The following KHDC1 variants were observed in gnomAD, a reference collection of about 807,000 sequenced individuals.
KHDC1 encodes the protein KH homology domain-containing protein 1.
In KHDC1, 21 loss-of-function variants were observed where a neutral mutation model predicts 24.7. The observed-to-expected ratio is 0.85, with a 90% CI of 0.60 to 1.23. KHDC1 has a LOEUF of 1.23. KHDC1 is among the 50% of genes most tolerant of loss of function. The pLI is 0.00. For synonymous variants in KHDC1, 98 were observed against 111.7 expected, an observed-to-expected ratio of 0.88 and a Z score of 0.77; for missense variants, 274 against 298.5, an observed-to-expected ratio of 0.92 and a Z score of 0.61.
chr6:73,295,618 G>T (rs1767744277), intron 1 of KHDC1, among the ~76,000 whole-genome samples: 1 of 152,092 alleles, frequency 6.6e-6, no homozygotes, highest in South Asian at 2.1e-4. Flanking sequence ...GGCCAAGGCG[G>T]GCGGATTACC....
intron 2 of KHDC1, chr6:73,274,516 G>A (rs1582569916): frequency 6.6e-6 from 1 of 152,268 alleles, no homozygotes; most frequent in East Asian, 1.9e-4. Context: ...GGAAGTAATC[G>A]GATCATGGGG....
intron 2 of KHDC1, chr6:73,262,860 G>C (rs1439240921): frequency 1.0e-6 from 1 of 985,706 alleles, no homozygotes; most frequent in African/African-American, 1.7e-5. Flanking sequence ...CCTAATGGAG[G>C]GCAGAATTCA....
At position 73,241,740 on chromosome 6, in the gene KHDC1, G is replaced by A. The variant is rs1052877698; in HGVS notation, c.515-12C>T. 6 of 1,614,020 alleles carry A rather than the reference G, an allele frequency of 3.7e-6. No homozygotes were observed. The highest frequency in any genetic ancestry group is 1.7e-5 in the Admixed American group (1 of 60,018). On this transcript the variant is annotated splice_polypyrimidine_tract_variant and intron_variant, in intron 4 of 4. Transcript: ENST00000370384. ...CAGCATCTCCAGGCCTGCAAAATAA[G>A]TGCCCAGGGCTAATGAACCAGGGCC...
chr6:73,242,448 T>C (rs759735769), exon 3 of KHDC1: 16 of 1,614,058 alleles, frequency 9.9e-6, no homozygotes, highest in African/African-American at 2.7e-5. Context: ...TGAAACACCA[T>C]TGGTGCATGA....
intron 1 of KHDC1, among the ~76,000 whole-genome samples, chr6:73,303,303 T>C (rs1055760311): frequency 5.3e-5 from 8 of 151,756 alleles, no homozygotes; most frequent in Non-Finnish European, 1.0e-4. Context: ...CAACAGCTGT[T>C]CCATGAAGGT....
In KHDC1 at chr6:73,259,980, T is replaced by C. The variant is rs149011067; in HGVS notation, c.207-17450A>G. On this transcript the variant is annotated intron_variant, in intron 2 of 4. Transcript: ENST00000370384. ...TGTCCAGGGGGTAGGGCACAATCTTTGGAAGCATATCTAAGATGCCAATTT... is the reference window on the plus strand; with the variant it reads ...TGTCCAGGGGGTAGGGCACAATCTTCGGAAGCATATCTAAGATGCCAATTT... 3.8e-4 allele frequency among the ~76,000 whole-genome samples: 58 copies of C among 152,284 alleles called. No homozygotes were observed. In the East Asian group the frequency reaches 0.01, roughly 27 times the overall value.
intron 2 of KHDC1, among the ~76,000 whole-genome samples, chr6:73,253,936 C>CA (rs1426802746): frequency 6.6e-6 from 1 of 151,750 alleles, no homozygotes; most frequent in Non-Finnish European, 1.5e-5. Flanking sequence ...ATAACAACAA[C>CA]AAAAAACAGT....
chr6:73,301,963 A>G (rs1487756956), intron 1 of KHDC1, among the ~76,000 whole-genome samples: 1 of 152,088 alleles, frequency 6.6e-6, no homozygotes, highest in East Asian at 1.9e-4. Flanking sequence ...TAAGAACTCT[A>G]TATAGATTCA....
At chr6:73,292,934 T>C in intron 1 of KHDC1, 1 of 847,596 alleles carries the variant, frequency 1.2e-6, no homozygotes, top group Non-Finnish European at 2.0e-6. Flanking sequence ...TCTTAAGGAT[T>C]TCATTGACAA....
At chr6:73,289,702 C>T (rs1407166928) in intron 2 of KHDC1, among the ~76,000 whole-genome samples, 2 of 152,122 alleles carry the variant, frequency 1.3e-5, no homozygotes, top group Non-Finnish European at 2.9e-5. Context: ...TGACTCACAC[C>T]TGTAATTCCA....
chr6:73,304,040 G>A (rs139213126), intron 1 of KHDC1, among the ~76,000 whole-genome samples: 5 of 152,144 alleles, frequency 3.3e-5, no homozygotes, highest in East Asian at 3.9e-4. Context: ...TTAGCCAGGC[G>A]TGGTGGCAGG....
intron 2 of KHDC1, among the ~76,000 whole-genome samples, chr6:73,258,449 GA>G (rs1011980852): frequency 6.9e-6 from 1 of 144,708 alleles, no homozygotes; most frequent in Admixed American, 6.9e-5. Flanking sequence ...TCTCAAAAAA[GA>G]AAAAAAAAAG....
intron 2 of KHDC1, among the ~76,000 whole-genome samples, chr6:73,251,258 T>G (rs941642309): frequency 1.3e-5 from 2 of 152,194 alleles, no homozygotes; most frequent in Admixed American, 1.3e-4. Flanking sequence ...ATTTATACAT[T>G]AAAAATCAAA....
At chr6:73,277,928 T>G (rs1767327458) in intron 2 of KHDC1, among the ~76,000 whole-genome samples, 2 of 151,918 alleles carry the variant, frequency 1.3e-5, no homozygotes, top group South Asian at 4.2e-4. Context: ...TTTTACTGTT[T>G]GTGAAGTTAA....
At chr6:73,306,804 C>T (rs1353284108) in intron 1 of KHDC1, among the ~76,000 whole-genome samples, 1 of 151,538 alleles carries the variant, frequency 6.6e-6, no homozygotes, top group Non-Finnish European at 1.5e-5. Context: ...GTCAAGAGAT[C>T]GAGACCATCC....
intron 2 of KHDC1, among the ~76,000 whole-genome samples, chr6:73,280,599 C>T (rs1767386015): frequency 6.6e-6 from 1 of 150,378 alleles, no homozygotes; most frequent in East Asian, 2.0e-4. Flanking sequence ...CGGCTCACCG[C>T]AACCTCCACC....
intron 2 of KHDC1, among the ~76,000 whole-genome samples, chr6:73,252,708 T>C (rs1766803093): frequency 6.6e-6 from 1 of 151,916 alleles, no homozygotes; most frequent in African/African-American, 2.4e-5. Context: ...TCCCAGCTAC[T>C]CAGGAGGCTG....
chr6:73,257,728 A>G (rs1346726824), intron 2 of KHDC1, among the ~76,000 whole-genome samples: 1 of 151,828 alleles, frequency 6.6e-6, no homozygotes, highest in African/African-American at 2.4e-5. Context: ...TTCATCTTTA[A>G]ATAGTTAAGA....
exon 5 of KHDC1, chr6:73,241,511 G>C (rs528287481): frequency 4.3e-6 from 7 of 1,610,652 alleles, no homozygotes; most frequent in East Asian, 2.2e-5. Flanking sequence ...CCACTTCCCA[G>C]GGGAGATCAG....
Sources: gnomAD v4.1 joint callset for allele counts (sites outside exome capture counted in the v4.1 genomes callset) on GRCh38, gnomAD v4.1.1 for gene constraint, MANE v1.5 for transcripts, NCBI Gene and HGNC (gene_info 2026-07-23, HGNC 2026-07-21) for gene names.